Variants in GPHN observed in about 807,000 individuals in gnomAD.
The protein encoded by GPHN is gephyrin.
A neutral mutation model predicts 95.5 loss-of-function variants in GPHN; 17 were observed. The observed-to-expected ratio is 0.18, with a 90% confidence interval of 0.12 to 0.27. GPHN has a LOEUF of 0.27. Ranked by LOEUF, GPHN falls within the 10% of genes least tolerant of loss-of-function variation. The pLI, the probability that GPHN is intolerant of heterozygous loss-of-function variation, is 1.00. For missense variants in GPHN, 660 were observed against 978.1 expected (o/e 0.67, Z 4.34); for synonymous variants, 320 against 322.5 (o/e 0.99, Z 0.08).
intron 16 of GPHN, among the ~76,000 whole-genome samples, chr14:67,118,175 G>A (rs879377668): frequency 6.6e-6 from 1 of 152,144 alleles, no homozygotes; most frequent in Non-Finnish European, 1.5e-5. Context: ...TGTATACCTC[G>A]TGTATATATG....
At chr14:67,152,657 A>G (rs994193252) in intron 18 of GPHN, among the ~76,000 whole-genome samples, 6 of 152,180 alleles carry the variant, frequency 3.9e-5, no homozygotes, top group Non-Finnish European at 8.8e-5. Context: ...ATTCATTTGC[A>G]TTTCTTTGGA....
At chr14:66,911,453 C>T (rs1167323900) in intron 5 of GPHN, among the ~76,000 whole-genome samples, 1 of 151,666 alleles carries the variant, frequency 6.6e-6, no homozygotes, top group African/African-American at 2.4e-5. Context: ...AGCTGTTTTA[C>T]AAAAAAGTAA....
the GPHN span, among the ~76,000 whole-genome samples, chr14:67,206,455 C>T: frequency 1.3e-5 from 2 of 151,956 alleles, no homozygotes; most frequent in Admixed American, 1.3e-4. Context: ...AAGATTGTGC[C>T]ATTGCACTCC....
intron 2 of GPHN, among the ~76,000 whole-genome samples, chr14:66,775,007 A>G (rs145727868): frequency 0.012 from 1,831 of 151,918 alleles, 19 homozygotes; most frequent in Non-Finnish European, 0.018. Context: ...ATTAAAACCT[A>G]TACGTTCTTT....
chr14:67,515,249 C>G, the GPHN span: 1 of 152,742 alleles, frequency 6.5e-6, no homozygotes, highest in East Asian at 1.9e-4. Flanking sequence ...CCAAGCCCGG[C>G]GCTCTGGCTC....
At chr14:66,661,861 A>C (rs2065678056) in intron 1 of GPHN, among the ~76,000 whole-genome samples, 1 of 152,298 alleles carries the variant, frequency 6.6e-6, no homozygotes, top group Admixed American at 6.5e-5. Flanking sequence ...CCACCAGGGC[A>C]GAAGCAGTAC....
intron 2 of GPHN, among the ~76,000 whole-genome samples, chr14:66,751,634 T>C (rs767361031): frequency 6.6e-6 from 1 of 152,162 alleles, no homozygotes; most frequent in Non-Finnish European, 1.5e-5. Flanking sequence ...TCTCCCGTTC[T>C]GTAGGTTGTC....
chr14:66,795,986 C>A (rs892166832), intron 3 of GPHN, among the ~76,000 whole-genome samples: 2 of 152,122 alleles, frequency 1.3e-5, no homozygotes, highest in African/African-American at 4.8e-5. Flanking sequence ...CCCTCTCCCC[C>A]TCTACCCTTC....
chr14:67,119,658 C>T (rs2078896549), intron 16 of GPHN, among the ~76,000 whole-genome samples: 2 of 151,990 alleles, frequency 1.3e-5, no homozygotes, highest in South Asian at 4.2e-4. Context: ...GGCGTGGTGG[C>T]GCATGCCTGT....
intron 13 of GPHN, among the ~76,000 whole-genome samples, chr14:67,108,299 A>G (rs1040672252): frequency 2.6e-5 from 4 of 152,128 alleles, no homozygotes; most frequent in African/African-American, 7.2e-5. Flanking sequence ...AGCAAGGGGA[A>G]TGAAAACTCT....
chr14:67,052,339 C>CAA (rs562739946), intron 10 of GPHN, among the ~76,000 whole-genome samples: 4 of 119,898 alleles, frequency 3.3e-5, no homozygotes, highest in African/African-American at 9.1e-5. Context: ...GACATTAAAC[C>CAA]AAAAAAAAAA....
At chr14:66,827,110 C>T (rs1299964836) in intron 4 of GPHN, among the ~76,000 whole-genome samples, 3 of 152,084 alleles carry the variant, frequency 2.0e-5, no homozygotes, top group East Asian at 1.9e-4. Flanking sequence ...AAAGTGAGAC[C>T]ATGTCTTTAC....
the GPHN span, among the ~76,000 whole-genome samples, chr14:67,266,547 A>T: frequency 6.6e-6 from 1 of 152,054 alleles, no homozygotes; most frequent in Non-Finnish European, 1.5e-5. Context: ...GCTGGTCTCA[A>T]ACTGCTGACC....
At chr14:67,343,456 T>C in the GPHN span, 1 of 1,529,274 alleles carries the variant, frequency 6.5e-7, no homozygotes, top group Non-Finnish European at 9.1e-7. Context: ...AAGAACAAAT[T>C]AATAATGTAA....
chr14:67,482,635 G>C, the GPHN span, among the ~76,000 whole-genome samples: 2 of 152,360 alleles, frequency 1.3e-5, no homozygotes, highest in Admixed American at 6.5e-5. Context: ...GGGCGGCTCT[G>C]TGCTGAAGAT....
chr14:67,342,469 T>G, the GPHN span, among the ~76,000 whole-genome samples: 2 of 151,006 alleles, frequency 1.3e-5, no homozygotes, highest in East Asian at 1.9e-4. Flanking sequence ...AATGCTCGAT[T>G]GAGTTTACGT....
the GPHN span, chr14:67,353,171 T>C: frequency 1.5e-6 from 1 of 670,022 alleles, no homozygotes; most frequent in Non-Finnish European, 2.5e-6. Context: ...AGAGAATTTG[T>C]AGCTGACAGG....
chr14:67,725,299 G>A, the GPHN span: 2 of 1,602,056 alleles, frequency 1.2e-6, no homozygotes, highest in Non-Finnish European at 1.7e-6. Context: ...ATTGGGTATG[G>A]GAGTGGCTGC....
chr14:66,523,776 G>A (rs1232620660), intron 1 of GPHN, among the ~76,000 whole-genome samples: 1 of 152,030 alleles, frequency 6.6e-6, no homozygotes, highest in East Asian at 1.9e-4. Context: ...TAATACATTT[G>A]AATATAATTA....
Sources: allele counts gnomAD v4.1 joint callset (sites outside exome capture counted in the v4.1 genomes callset), GRCh38; gene constraint gnomAD v4.1.1; transcripts MANE v1.5; gene names NCBI Gene and HGNC (gene_info 2026-07-23, HGNC 2026-07-21).